PPFIA1: variants seen among roughly 807,000 people sequenced by gnomAD.
The protein encoded by PPFIA1 is liprin-alpha-1.
A neutral mutation model predicts 149.9 loss-of-function variants in PPFIA1; 25 were observed. The observed-to-expected ratio is 0.17, with a 90% CI of 0.12 to 0.23. PPFIA1 has a LOEUF of 0.23. Among genes scored for constraint, PPFIA1 ranks in the 10% least tolerant of loss-of-function variants. The probability of loss-of-function intolerance (pLI) is 1.00; values close to 1 mark genes in which losing one functional copy is unlikely to be tolerated. For missense variants in PPFIA1, 1,362 were observed against 1,506.5 expected, an observed-to-expected ratio of 0.90 and a Z score of 1.59; for synonymous variants, 549 against 552.8, an observed-to-expected ratio of 0.99 and a Z score of 0.10.
intron 9 of PPFIA1, chr11:70,333,169 A>G (rs907270460): frequency 7.6e-5 from 39 of 511,182 alleles, no homozygotes; most frequent in South Asian, 5.9e-4. Context: ...AACCAGAAGC[A>G]GTCCAAGGAT....
chr11:70,350,181 G>T, intron 16 of PPFIA1: 1 of 283,842 alleles, frequency 3.5e-6, no homozygotes. Flanking sequence ...TAGTAAGTAT[G>T]GATACAGGCA....
chr11:70,352,586 G>A (rs1489192850), intron 16 of PPFIA1, among the ~76,000 whole-genome samples: 1 of 152,074 alleles, frequency 6.6e-6, no homozygotes, highest in African/African-American at 2.4e-5. Flanking sequence ...GCCAGGCCTT[G>A]TCTACAAGAG....
At chr11:70,280,163 C>A (rs1483567397) in intron 2 of PPFIA1, among the ~76,000 whole-genome samples, 1 of 151,854 alleles carries the variant, frequency 6.6e-6, no homozygotes, top group Non-Finnish European at 1.5e-5. Context: ...TTGCCTCAGT[C>A]TCCGAAAGTG....
intron 6 of PPFIA1, 62 bp from the exon 7 acceptor site, chr11:70,326,535 G>A: frequency 5.6e-6 from 8 of 1,416,842 alleles, no homozygotes; most frequent in Non-Finnish European, 6.8e-6. Context: ...TTTCCTGGAA[G>A]TATTTTTATT....
intron 23 of PPFIA1, chr11:70,373,871 T>G (rs1006917657): frequency 2.4e-4 from 36 of 152,184 alleles, no homozygotes; most frequent in African/African-American, 8.7e-4. Context: ...TTATACAGTG[T>G]GTGTATATGT....
intron 2 of PPFIA1, among the ~76,000 whole-genome samples, chr11:70,287,667 G>A (rs1164977511): frequency 6.6e-6 from 1 of 151,182 alleles, no homozygotes. Context: ...TTTTAGAGAT[G>A]GGGTTTCACT....
At chr11:70,366,750 A>G (rs1300475471) in intron 21 of PPFIA1, among the ~76,000 whole-genome samples, 2 of 152,130 alleles carry the variant, frequency 1.3e-5, no homozygotes, top group East Asian at 3.8e-4. Context: ...TTAAATCATA[A>G]TTTTCCTGAT....
At position 70,333,723 on chromosome 11, in the gene PPFIA1, G is replaced by A. The variant is rs528658504; in HGVS notation, c.1296+170G>A. On this transcript the variant is annotated intron_variant, in intron 10 of 27. Coordinates refer to ENST00000253925, the MANE Select transcript of PPFIA1 (RefSeq NM_003626.5). Reference sequence around the variant, plus strand: ...TCATCTGTGAGTCGCCTGCTAATGCGTACATCCCACACAGTAGTTGTTTTC... The same window carrying A: ...TCATCTGTGAGTCGCCTGCTAATGCATACATCCCACACAGTAGTTGTTTTC... Among the ~76,000 whole-genome samples the A allele has an allele frequency of 1.7e-4, 26 of 152,286 alleles. No homozygotes were observed. In the South Asian group the frequency reaches 1.9e-3, roughly 11 times the overall value.
chr11:70,353,811 A>G (rs1240924754), intron 16 of PPFIA1, among the ~76,000 whole-genome samples: 1 of 152,216 alleles, frequency 6.6e-6, no homozygotes, highest in East Asian at 1.9e-4. Flanking sequence ...TCAGACAAAA[A>G]AGGTATTTGA....
Position 70,378,606 on chromosome 11 carries a change from T to C in PPFIA1, c.3550+411T>C, listed in dbSNP as rs2057582558. The stretch of plus-strand genomic sequence containing the variant: ...ACACCAGAGAAAATAACTGAGTACA[T>C]TTTTAAGAACACACAGTTTCCAGCT... On this transcript the variant is annotated intron_variant, in intron 26 of 27. Coordinates refer to ENST00000253925, the MANE Select transcript of PPFIA1 (RefSeq NM_003626.5). 1.5e-5 allele frequency: 5 copies of C among 327,204 alleles called. No individual in the cohort carries two copies. In the South Asian group the frequency reaches 4.8e-4, roughly 31 times the overall value. 20.3% of individuals were successfully genotyped at this position (327,204 alleles called of 1,614,324 possible). A position where few individuals can be genotyped will look rare whatever the true frequency, so the allele number is the denominator to read the frequency against.
chr11:70,379,931 C>T (rs1233590318), intron 26 of PPFIA1, among the ~76,000 whole-genome samples: 2 of 152,202 alleles, frequency 1.3e-5, no homozygotes, highest in Admixed American at 6.5e-5. Context: ...TTCCAAGAGT[C>T]ATGCATATAA....
chr11:70,375,823 A>G (rs1240008438), intron 24 of PPFIA1, among the ~76,000 whole-genome samples: 1 of 151,752 alleles, frequency 6.6e-6, no homozygotes, highest in Non-Finnish European at 1.5e-5. Context: ...AAAAAATTGA[A>G]TATCTTTGGC....
rs952453827 is a variant in PPFIA1, at chr11:70,350,406, ATATCT to A, written c.2163+1990_2163+1994del. Among the ~76,000 whole-genome samples the A allele has an allele frequency of 8.5e-5, 13 of 152,354 alleles. No individual in the cohort carries two copies. The South Asian group carries it at 2.5e-3, about 29-fold the overall frequency. On this transcript the variant is annotated intron_variant, in intron 16 of 27. Coordinates refer to ENST00000253925, the MANE Select transcript of PPFIA1 (RefSeq NM_003626.5). ...TCTAATAGGTTATTTTTAAATTAAA[ATATCT>A]TATGTGAATCATAGGATGGATGTAA... is the stretch of plus-strand genomic sequence containing the variant.
chr11:70,365,614 T>TGGTAGACTAC, intron 21 of PPFIA1: 1 of 356,676 alleles, frequency 2.8e-6, no homozygotes, highest in Non-Finnish European at 5.5e-6. Flanking sequence ...TTTTAGATTT[T>TGGTAGACTAC]TTCCAGGAAC....
rs539131989 is a variant in PPFIA1, at chr11:70,309,130, A to G, written c.265-15272A>G. 4.6e-5 allele frequency among the ~76,000 whole-genome samples: 7 copies of G among 151,774 alleles called. 1 individual carries two copies. The South Asian group carries it at 1.2e-3, about 27-fold the overall frequency. ...TTGAATTCTGAAGTATATGAAATAT[A>G]CATTCTCAGTAATATTTCAGGTTGT... On this transcript the variant is annotated intron_variant, in intron 2 of 27. Coordinates refer to ENST00000253925, the MANE Select transcript of PPFIA1 (RefSeq NM_003626.5).
chr11:70,285,341 G>C (rs1376999031), intron 2 of PPFIA1, among the ~76,000 whole-genome samples: 1 of 152,120 alleles, frequency 6.6e-6, no homozygotes, highest in African/African-American at 2.4e-5. Context: ...CCACTGGTTA[G>C]AGTAGAGCCA....
chr11:70,287,991 C>CT (rs1022458232), intron 2 of PPFIA1, among the ~76,000 whole-genome samples: 27 of 151,570 alleles, frequency 1.8e-4, no homozygotes, highest in African/African-American at 6.5e-4. Context: ...GAGTTAAAGT[C>CT]TAAGTGTGTA....
At chr11:70,320,530 C>T (rs541712022) in intron 2 of PPFIA1, among the ~76,000 whole-genome samples, 2 of 151,106 alleles carry the variant, frequency 1.3e-5, no homozygotes, top group Non-Finnish European at 2.9e-5. Flanking sequence ...AAGCAGTCCT[C>T]CTGTCTCAGC....
chr11:70,326,304 A>T lies in PPFIA1; in HGVS notation c.649A>T (p.Thr217Ser). ...ACAGAATAATCAGAAAAAAACTCTA[A>T]CAGATGGAGTGCTGGACATAAACCA... ...KEQNNQKKTLTDGVLDINHEQ... is the reference protein window; with the variant it reads ...KEQNNQKKTLSDGVLDINHEQ... Residue 217 changes from threonine to serine, a missense_variant, in exon 6 of 28, where the codon ACA (threonine) becomes TCA (serine). This residue lies in a region of PPFIA1 where 733 missense variants were observed against 744.1 expected (regional missense o/e 0.99). Coordinates refer to ENST00000253925, the MANE Select transcript of PPFIA1 (RefSeq NM_003626.5). 6.2e-7 allele frequency: 1 copy of T among 1,609,724 alleles called. No homozygotes were observed. The highest frequency in any genetic ancestry group is 8.5e-7 in the Non-Finnish European group (1 of 1,177,318).
Sources: allele counts gnomAD v4.1 joint callset (sites outside exome capture counted in the v4.1 genomes callset), GRCh38; gene constraint gnomAD v4.1.1; regional missense constraint gnomAD v4.1.1; transcripts MANE v1.5; gene names NCBI Gene and HGNC (gene_info 2026-07-23, HGNC 2026-07-21).